The following CEACAM16 variants were observed in gnomAD, a reference collection of about 807,000 sequenced individuals.
CEACAM16 encodes cell adhesion molecule CEACAM16.
Under a neutral mutation model 39.4 loss-of-function variants are expected in CEACAM16, and 30 were observed. The ratio of observed to expected loss-of-function variants is 0.76; its 90% confidence interval spans 0.57 to 1.03. The LOEUF (loss-of-function observed/expected upper bound fraction) is 1.03. Ranked by LOEUF, CEACAM16 falls within the 50% of genes least tolerant of loss-of-function variation. The pLI is 0.00. For synonymous variants in CEACAM16, 262 were observed against 264.9 expected, an observed-to-expected ratio of 0.99 and a Z score of 0.11; for missense variants, 521 against 585.3, an observed-to-expected ratio of 0.89 and a Z score of 1.13.
chr19:44,703,820 C>T (rs1974393434), intron 3 of CEACAM16, 127 bp downstream of exon 3: 1 of 1,027,804 alleles, frequency 9.7e-7, no homozygotes, highest in Non-Finnish European at 1.4e-6. Flanking sequence ...GAATAAGTTT[C>T]TAAAATAACC....
At chr19:44,704,422 G>C in intron 4 of CEACAM16, 126 bp downstream of exon 4, 3 of 1,248,572 alleles carry the variant, frequency 2.4e-6, no homozygotes, top group Non-Finnish European at 3.2e-6. Context: ...TGGGGACCAG[G>C]GACCCCTCTT....
Position 44,707,978 on chromosome 19 carries a change from G to A in CEACAM16, c.1058G>A (p.Gly353Glu). Residue 353 changes from glycine (G) to glutamate (E), a missense_variant, in exon 6 of 7, where the codon GGG (glycine) becomes GAG (glutamate). Coordinates refer to ENST00000587331, the MANE Select transcript of CEACAM16 (RefSeq NM_001039213.4). Reference sequence around the variant, plus strand: ...CTGCTGGTCTACGCCTGGTACCGCGGGCCTGCCTCCGAGCCCAACCGGCTG... The same window carrying A: ...CTGCTGGTCTACGCCTGGTACCGCGAGCCTGCCTCCGAGCCCAACCGGCTG... The part of the protein sequence containing the change: ...KDLLVYAWYR[G>E]PASEPNRLLS... 6.2e-7 allele frequency: 1 copy of A among 1,604,960 alleles called. No individual in the cohort carries two copies. Among genetic ancestry groups the A allele is most frequent in the East Asian group, 2.2e-5 (1 of 44,516 alleles).
In CEACAM16 at chr19:44,710,586, C is replaced by A; in HGVS notation, c.*80C>A. The A allele has an allele frequency of 6.3e-7, 1 of 1,579,922 alleles. No homozygotes were observed. Among genetic ancestry groups the A allele is most frequent in the Non-Finnish European group, 8.7e-7 (1 of 1,149,530 alleles). Reference sequence around the variant, plus strand: ...CCTCGCCCTCTGAGTGGGAACCACTCCCCCACAGCGAGGATGCCAGGCTGT... The same window carrying A: ...CCTCGCCCTCTGAGTGGGAACCACTACCCCACAGCGAGGATGCCAGGCTGT... On this transcript the variant is annotated 3_prime_UTR_variant, in exon 7 of 7. Transcript: ENST00000587331.
intron 6 of CEACAM16, among the ~76,000 whole-genome samples, chr19:44,709,770 A>T (rs1393682329): frequency 6.8e-6 from 1 of 146,566 alleles, no homozygotes; most frequent in Non-Finnish European, 1.5e-5. Flanking sequence ...GTCAGGGACC[A>T]TGTCTCCTCC....
intron 1 of CEACAM16, 77 bp downstream of exon 1, chr19:44,699,337 A>G (rs767063850): frequency 3.8e-6 from 2 of 523,550 alleles, no homozygotes; most frequent in Non-Finnish European, 7.9e-6. Flanking sequence ...TGTTTTCCCT[A>G]TTTTACAAAT....
intron 1 of CEACAM16, among the ~76,000 whole-genome samples, chr19:44,700,841 T>A (rs994149466): frequency 1.2e-4 from 19 of 152,200 alleles, no homozygotes; most frequent in African/African-American, 4.6e-4. Context: ...TGCCCTTCTG[T>A]CTGGGTTTGC....
At chr19:44,704,322 A>G (rs543326675) in intron 4 of CEACAM16, 26 bp downstream of exon 4, 84 of 1,469,760 alleles carry the variant, frequency 5.7e-5, no homozygotes, top group Non-Finnish European at 7.4e-5. Flanking sequence ...CCCACTGGAG[A>G]TACCCAGTGT....
chr19:44,705,535 A>G lies in CEACAM16; in HGVS notation c.662-55A>G, dbSNP rs1286632134. On this transcript the variant is annotated intron_variant, in intron 4 of 6. Transcript: ENST00000587331. Reference sequence around the variant, plus strand: ...GGTGGAGAGAAAACCAGGGGTACCAACCTCCACTCCTCCTTCCCTCTACTG... The same window carrying G: ...GGTGGAGAGAAAACCAGGGGTACCAGCCTCCACTCCTCCTTCCCTCTACTG... The G allele has an allele frequency of 3.0e-5, 46 of 1,515,628 alleles. No homozygotes were observed. The East Asian group carries it at 3.4e-4, about 11-fold the overall frequency. The allele number at this position is 1,515,628 out of a possible 1,614,324, so 93.9% of individuals were successfully genotyped here.
At chr19:44,699,565 C>T (rs1054578887) in intron 1 of CEACAM16, 4 of 378,234 alleles carry the variant, frequency 1.1e-5, no homozygotes, top group Non-Finnish European at 2.1e-5. Flanking sequence ...TTAGTAGAGA[C>T]AGGGTTTCAC....
chr19:44,702,292 CAA>C (rs965379002), intron 2 of CEACAM16, among the ~76,000 whole-genome samples: 1 of 134,440 alleles, frequency 7.4e-6, no homozygotes, highest in Admixed American at 7.5e-5. Flanking sequence ...GACTCCATCT[CAA>C]AAAAAAAAAA....
In CEACAM16 at chr19:44,701,910, C is replaced by T. The variant is rs1016728486; in HGVS notation, c.37+417C>T. On this transcript the variant is annotated intron_variant, in intron 2 of 6. Coordinates refer to ENST00000587331, the MANE Select transcript of CEACAM16 (RefSeq NM_001039213.4). This position sits in a 1 kb window ranked among gnomAD's most constrained non-coding sequence, Gnocchi z 4.0. The stretch of plus-strand genomic sequence containing the variant: ...GTGTACCCACCTGTGAATGGGGCCT[C>T]ACTGACAGGGTCATGTAAAGGTCAT... Among the ~76,000 whole-genome samples the T allele has an allele frequency of 6.6e-6, 1 of 152,184 alleles. No individual in the cohort carries two copies.
At chr19:44,699,489 G>A (rs771403435) in intron 1 of CEACAM16, 1 of 452,658 alleles carries the variant, frequency 2.2e-6, no homozygotes, top group South Asian at 1.6e-5. Context: ...CAATTCTCCT[G>A]CTTCAGCCTC....
chr19:44,703,640 C>T lies in CEACAM16; in HGVS notation c.329C>T (p.Thr110Ile). The change falls in exon 3 of 7, where the codon ACC becomes ATC. Residue 110 changes from threonine to isoleucine, a missense_variant. Physicochemically the swap from Thr to Ile is moderately conservative, Grantham distance 89 (BLOSUM62 -1). Transcript: ENST00000587331. ...CACTCAGGCACCTACATCCTGCAGA[C>T]CTTCAACAGGCAGTTGCAGACCGAG... ...PRHSGTYILQTFNRQLQTEVG... is the reference protein window; with the variant it reads ...PRHSGTYILQIFNRQLQTEVG... 1 of 1,600,484 alleles carries T rather than the reference C, an allele frequency of 6.2e-7. No homozygotes were observed. The highest frequency in any genetic ancestry group is 8.5e-7 in the Non-Finnish European group (1 of 1,171,588).
chr19:44,703,630 A>G lies in CEACAM16; in HGVS notation c.319A>G (p.Ile107Val), dbSNP rs1018820441. ...GILPRHSGTY[I>V]LQTFNRQLQT... ...CCTGCCCCGGCACTCAGGCACCTAC[A>G]TCCTGCAGACCTTCAACAGGCAGTT... The change falls in exon 3 of 7, where the codon ATC (isoleucine) becomes GTC (valine). Residue 107 changes from isoleucine (I) to valine (V), a missense_variant. Ile to Val is a conservative substitution (Grantham distance 29). Coordinates refer to ENST00000587331, the MANE Select transcript of CEACAM16 (RefSeq NM_001039213.4). 5.6e-6 allele frequency: 9 copies of G among 1,605,728 alleles called. No individual in the cohort carries two copies. In the African/African-American group the frequency reaches 1.1e-4, roughly 19 times the overall value.
At position 44,704,026 on chromosome 19, in the gene CEACAM16, G is replaced by T. The variant is rs764381305; in HGVS notation, c.391G>T (p.Ala131Ser). 1.3e-6 allele frequency: 2 copies of T among 1,596,380 alleles called. No individual in the cohort carries two copies. The highest frequency in any genetic ancestry group is 1.7e-6 in the Non-Finnish European group (2 of 1,168,072). The change falls in exon 4 of 7, where the codon GCC (alanine) becomes TCC (serine). Residue 131 changes from alanine (A) to serine (S), a missense_variant. By Grantham distance (99) the Ala-to-Ser change is moderately conservative (BLOSUM62 1). Coordinates refer to ENST00000587331, the MANE Select transcript of CEACAM16 (RefSeq NM_001039213.4). ...YGHVQVHEIL[A>S]QPTVLANSTA... ...GTCTCTTGCCCCCACAGAGATCCTG[G>T]CCCAGCCCACAGTCTTGGCCAACAG... is the stretch of plus-strand genomic sequence containing the variant.
chr19:44,705,565 A>G (rs2122198154), intron 4 of CEACAM16, 25 bp from the exon 5 acceptor site: 1 of 1,571,530 alleles, frequency 6.4e-7, no homozygotes, highest in Middle Eastern at 1.7e-4. Context: ...CTACTGCCCC[A>G]TCTATCTCCC....
chr19:44,703,331 C>A lies in CEACAM16; in HGVS notation c.38-18C>A. On this transcript the variant is annotated intron_variant, in intron 2 of 6. Coordinates refer to ENST00000587331, the MANE Select transcript of CEACAM16 (RefSeq NM_001039213.4). ...ATCAAACCTGCCTCATCCAACCCCTCTGACTCCTCTTCCTCAGCCACATTC... is the reference window on the plus strand; with the variant it reads ...ATCAAACCTGCCTCATCCAACCCCTATGACTCCTCTTCCTCAGCCACATTC... The A allele has an allele frequency of 6.2e-7, 1 of 1,600,572 alleles. No homozygotes were observed.
Position 44,699,502 on chromosome 19 carries a change from A to G in CEACAM16, c.-97+242A>G, listed in dbSNP as rs533857270. Reference sequence around the variant, plus strand: ...AGCAATTCTCCTGCTTCAGCCTCCCAAGTAGCTGGGATTACAGGTGCCCGC... The same window carrying G: ...AGCAATTCTCCTGCTTCAGCCTCCCGAGTAGCTGGGATTACAGGTGCCCGC... On this transcript the variant is annotated intron_variant, in intron 1 of 6. Coordinates refer to ENST00000587331, the MANE Select transcript of CEACAM16 (RefSeq NM_001039213.4). 8 of 445,604 alleles carry G rather than the reference A, an allele frequency of 1.8e-5. No individual in the cohort carries two copies. The East Asian group carries it at 4.2e-4, about 24-fold the overall frequency. 27.6% of individuals were successfully genotyped at this position (445,604 alleles called of 1,614,324 possible).
chr19:44,700,722 G>T (rs532231504), intron 1 of CEACAM16, among the ~76,000 whole-genome samples: 1 of 152,328 alleles, frequency 6.6e-6, no homozygotes, highest in Admixed American at 6.5e-5. Flanking sequence ...ACAGAGAGGG[G>T]AAAACAAGGC....
Sources: allele counts gnomAD v4.1 joint callset (sites outside exome capture counted in the v4.1 genomes callset), GRCh38; gene constraint gnomAD v4.1.1; non-coding constraint Gnocchi (gnomAD v3.1); transcripts MANE v1.5; gene names NCBI Gene and HGNC (gene_info 2026-07-23, HGNC 2026-07-21).